HYDIN: variants seen among roughly 807,000 people sequenced by gnomAD.
HYDIN encodes the protein HYDIN axonemal central pair apparatus protein.
In HYDIN, 132 loss-of-function variants were observed where a neutral mutation model predicts 403.9. That is an observed-to-expected ratio of 0.33 (90% confidence interval 0.28 to 0.38). The LOEUF (loss-of-function observed/expected upper bound fraction) is 0.38, where lower values mean the gene tolerates loss of function less well. Ranked by LOEUF, HYDIN falls within the 10% of genes least tolerant of loss-of-function variation. The pLI, the probability that HYDIN is intolerant of heterozygous loss-of-function variation, is 1.00. For synonymous variants in HYDIN, 1,202 were observed against 1,891.7 expected (o/e 0.64, Z 9.46); for missense variants, 2,827 against 5,009.5 (o/e 0.56, Z 13.15).
chr16:70,826,705 ATC>A (rs3043151), intron 83 of HYDIN, among the ~76,000 whole-genome samples: 24,875 of 128,690 alleles, frequency 0.19, 2,652 homozygotes, highest in Non-Finnish European at 0.26. Flanking sequence ...TCTTGCCAGC[ATC>A]TCTCTCTCTC....
intron 75 of HYDIN, among the ~76,000 whole-genome samples, chr16:70,841,224 GC>G (rs2037796560): frequency 1.3e-5 from 2 of 152,202 alleles, no homozygotes; most frequent in African/African-American, 4.8e-5. Context: ...AATGTCCAAG[GC>G]TTTTAAAGTG....
chr16:70,836,679 A>C (rs1200071335), intron 77 of HYDIN, among the ~76,000 whole-genome samples: 1 of 152,226 alleles, frequency 6.6e-6, no homozygotes, highest in African/African-American at 2.4e-5. Flanking sequence ...ATGGTCAGTC[A>C]CTAAATTGCA....
intron 1 of HYDIN, among the ~76,000 whole-genome samples, chr16:71,204,988 C>A (rs530565604): frequency 6.6e-6 from 1 of 152,236 alleles, no homozygotes; most frequent in African/African-American, 2.4e-5. Flanking sequence ...GATTACCAGA[C>A]CAAACAATAA....
At chr16:71,137,754 T>G (rs979199649) in intron 7 of HYDIN, among the ~76,000 whole-genome samples, 5 of 152,142 alleles carry the variant, frequency 3.3e-5, no homozygotes, top group African/African-American at 1.2e-4. Context: ...TTGTACCAAC[T>G]ATACTTAAGA....
intron 5 of HYDIN, among the ~76,000 whole-genome samples, chr16:71,174,363 G>C (rs1303924423): frequency 2.0e-5 from 3 of 152,162 alleles, no homozygotes; most frequent in Admixed American, 6.5e-5. Flanking sequence ...CAGCCGATAG[G>C]TACTAGCGGT....
intron 10 of HYDIN, among the ~76,000 whole-genome samples, chr16:71,110,472 T>C (rs1445953850): frequency 7.0e-6 from 1 of 142,544 alleles, no homozygotes; most frequent in African/African-American, 2.6e-5. Flanking sequence ...TATAAACATA[T>C]ATAAATATAT....
intron 9 of HYDIN, among the ~76,000 whole-genome samples, chr16:71,121,536 A>G (rs1313229261): frequency 1.3e-5 from 2 of 151,510 alleles, no homozygotes; most frequent in Non-Finnish European, 2.9e-5. Flanking sequence ...AGTAACTATA[A>G]TAGGTGATGA....
intron 13 of HYDIN, among the ~76,000 whole-genome samples, chr16:71,071,780 G>A (rs1409998280): frequency 1.3e-5 from 2 of 152,162 alleles, no homozygotes; most frequent in Non-Finnish European, 2.9e-5. Context: ...GTCTCTACTA[G>A]AGAAAGGACC....
At chr16:70,922,006 T>C (rs1052199796) in intron 45 of HYDIN, among the ~76,000 whole-genome samples, 9 of 152,356 alleles carry the variant, frequency 5.9e-5, no homozygotes, top group Admixed American at 2.6e-4. Context: ...GATGATATTA[T>C]GCAAAGTCCA....
chr16:71,102,456 G>A (rs189364543), intron 10 of HYDIN, among the ~76,000 whole-genome samples: 2 of 152,058 alleles, frequency 1.3e-5, no homozygotes, highest in African/African-American at 4.8e-5. Flanking sequence ...GAACCCCAAA[G>A]CTCATTATCA....
intron 12 of HYDIN, among the ~76,000 whole-genome samples, chr16:71,081,365 T>C (rs2082780212): frequency 6.6e-6 from 1 of 150,822 alleles, no homozygotes; most frequent in Non-Finnish European, 1.5e-5. Context: ...TTATATCTCA[T>C]GCTAACGATC....
Position 70,874,692 on chromosome 16 carries a change from G to A in HYDIN, c.10661-100C>T, listed in dbSNP as rs1236131750. On this transcript the variant is annotated intron_variant, in intron 63 of 85. Transcript: ENST00000393567. Reference sequence around the variant, plus strand: ...GGGAAAGTAACCCTAGAATGGGAACGAGCCTTAGCTAGAGGCCAGTGGTGA... The same window carrying A: ...GGGAAAGTAACCCTAGAATGGGAACAAGCCTTAGCTAGAGGCCAGTGGTGA... 33 of 1,148,762 alleles carry A rather than the reference G, an allele frequency of 2.9e-5. No individual in the cohort carries two copies. In the East Asian group the frequency reaches 4.7e-4, roughly 16 times the overall value. 71.2% of individuals were successfully genotyped at this position (1,148,762 alleles called of 1,614,324 possible).
At chr16:70,857,034 A>G (rs1207930121) in intron 72 of HYDIN, among the ~76,000 whole-genome samples, 2 of 147,146 alleles carry the variant, frequency 1.4e-5, no homozygotes, top group African/African-American at 5.1e-5. Context: ...ACATGGGGTT[A>G]TAAGGGACAT....
chr16:70,878,405 C>T (rs2040576651), intron 62 of HYDIN, among the ~76,000 whole-genome samples: 1 of 139,604 alleles, frequency 7.2e-6, no homozygotes, highest in Non-Finnish European at 1.5e-5. Context: ...GAATAAAGAG[C>T]AATAAAAATG....
intron 84 of HYDIN, among the ~76,000 whole-genome samples, chr16:70,811,108 G>A (rs184173044): frequency 1.3e-5 from 2 of 152,092 alleles, no homozygotes; most frequent in South Asian, 4.1e-4. Flanking sequence ...CTATGAGTAA[G>A]TATTTAAAAA....
intron 23 of HYDIN, among the ~76,000 whole-genome samples, chr16:70,998,122 A>G (rs1305527608): frequency 6.6e-6 from 1 of 152,178 alleles, no homozygotes; most frequent in African/African-American, 2.4e-5. Flanking sequence ...TGTTTAGACA[A>G]TTATGTTTCG....
At chr16:70,847,009 G>T (rs1395782142) in intron 75 of HYDIN, among the ~76,000 whole-genome samples, 1 of 145,236 alleles carries the variant, frequency 6.9e-6, no homozygotes, top group Admixed American at 7.0e-5. Flanking sequence ...TTGCCAGTCT[G>T]TGTCTTTTAA....
intron 28 of HYDIN, chr16:70,984,938 T>C (rs1597471610): frequency 2.5e-6 from 1 of 403,406 alleles, no homozygotes; most frequent in East Asian, 4.4e-5. Flanking sequence ...AAAAAATCCA[T>C]GGGTTGCATC....
chr16:70,811,220 G>C (rs1448544694), intron 84 of HYDIN: 1 of 152,202 alleles, frequency 6.6e-6, no homozygotes, highest in Non-Finnish European at 1.5e-5. Context: ...CCAGGAGTTT[G>C]AGACCAGCCT....
Sources: gnomAD v4.1 joint callset for allele counts (sites outside exome capture counted in the v4.1 genomes callset) on GRCh38, gnomAD v4.1.1 for gene constraint, MANE v1.5 for transcripts, NCBI Gene and HGNC (gene_info 2026-07-23, HGNC 2026-07-21) for gene names.